PALS2: variants seen among roughly 807,000 people sequenced by gnomAD.
PALS2 encodes the protein protein PALS2.
In PALS2, 27 loss-of-function variants were observed where a neutral mutation model predicts 61.6. That is an observed-to-expected ratio of 0.44 (90% CI 0.32 to 0.60). The LOEUF is 0.60. Ranked by LOEUF, PALS2 falls within the 20% of genes least tolerant of loss-of-function variation. The pLI is 0.05. For missense variants in PALS2, 554 were observed against 639.4 expected, an observed-to-expected ratio of 0.87 and a Z score of 1.44; for synonymous variants, 236 against 218.6, an observed-to-expected ratio of 1.08 and a Z score of -0.70.
chr7:24,652,108 A>G (rs1180184471), intron 5 of PALS2, among the ~76,000 whole-genome samples: 1 of 152,164 alleles, frequency 6.6e-6, no homozygotes, highest in Non-Finnish European at 1.5e-5. Context: ...GCAACTTTCA[A>G]TTTGTGACAG....
rs562222855 is a variant in PALS2 at position 24,587,560 on chromosome 7, G to A, written c.-3+13967G>A. The stretch of plus-strand genomic sequence containing the variant: ...TTTTTTTTTTTTTTTAATGTTTTTA[G>A]AGTCCAGGTCTCACTGTGTTGCCCA... On this transcript the variant is annotated intron_variant, in intron 1 of 11. Coordinates refer to ENST00000222644, the MANE Select transcript of PALS2 (RefSeq NM_001303037.2). Among the ~76,000 whole-genome samples, 764 of 146,704 alleles carry A rather than the reference G, an allele frequency of 5.2e-3. 2 individuals are homozygous for A. Among genetic ancestry groups the A allele is most frequent in the African/African-American group, 0.018 (722 of 39,662 alleles).
intron 1 of PALS2, among the ~76,000 whole-genome samples, chr7:24,611,369 A>C (rs903936912): frequency 1.3e-5 from 2 of 152,064 alleles, no homozygotes; most frequent in African/African-American, 4.8e-5. Context: ...CTCTATAAAC[A>C]ATATCACCTT....
At chr7:24,655,384 G>A (rs1404601878) in intron 5 of PALS2, among the ~76,000 whole-genome samples, 1 of 152,066 alleles carries the variant, frequency 6.6e-6, no homozygotes, top group Admixed American at 6.6e-5. Context: ...GTAAAGCAAG[G>A]AGTTTGTGAA....
chr7:24,641,879 C>G lies in PALS2; in HGVS notation c.270+11C>G. 1 of 1,610,202 alleles carries G rather than the reference C, an allele frequency of 6.2e-7. No homozygotes were observed. Among genetic ancestry groups the G allele is most frequent in the Non-Finnish European group, 8.5e-7 (1 of 1,178,212 alleles). ...GAACCTCACTTCCAGGTAACTTTCC[C>G]TATCACTCAACTCTCAAGTTCCCTG... On this transcript the variant is annotated intron_variant, in intron 3 of 11. Coordinates refer to ENST00000222644, the MANE Select transcript of PALS2 (RefSeq NM_001303037.2).
Position 24,693,911 on chromosome 7 carries a change from C to G in PALS2, c.*6297C>G, listed in dbSNP as rs1788589382. The G allele has an allele frequency of 1.3e-5, 2 of 151,906 alleles. No individual in the cohort carries two copies. The highest frequency in any genetic ancestry group is 1.3e-4 in the Admixed American group (2 of 15,256). The allele number at this position is 151,906 out of a possible 1,614,324, so 9.4% of individuals were successfully genotyped here. A position where few individuals can be genotyped will look rare whatever the true frequency, so the allele number is the denominator to read the frequency against. On this transcript the variant is annotated 3_prime_UTR_variant, in exon 12 of 12. Coordinates refer to ENST00000222644, the MANE Select transcript of PALS2 (RefSeq NM_001303037.2). Reference sequence around the variant, plus strand: ...TTTATTCTTCCTTTTCCCCCCACGCCAGTTCGTTTTGGTAAGTCTTTTATT... The same window carrying G: ...TTTATTCTTCCTTTTCCCCCCACGCGAGTTCGTTTTGGTAAGTCTTTTATT...
At chr7:24,657,801 G>C (rs1004450301) in intron 5 of PALS2, among the ~76,000 whole-genome samples, 3 of 151,934 alleles carry the variant, frequency 2.0e-5, no homozygotes, top group Non-Finnish European at 4.4e-5. Flanking sequence ...TCTCCAATTT[G>C]TTTTCTACAA....
chr7:24,662,566 C>G (rs930675338), intron 5 of PALS2, among the ~76,000 whole-genome samples: 1 of 151,866 alleles, frequency 6.6e-6, no homozygotes, highest in Non-Finnish European at 1.5e-5. Flanking sequence ...ATCAGGAGTT[C>G]GAGACCAGCC....
At chr7:24,639,189 A>C (rs892540140) in intron 2 of PALS2, among the ~76,000 whole-genome samples, 3 of 152,230 alleles carry the variant, frequency 2.0e-5, no homozygotes, top group African/African-American at 7.2e-5. Context: ...TGCATCATTT[A>C]TTGGATTGAA....
intron 1 of PALS2, among the ~76,000 whole-genome samples, chr7:24,584,434 G>C (rs1163605961): frequency 5.3e-5 from 8 of 150,158 alleles, no homozygotes; most frequent in Non-Finnish European, 1.2e-4. Flanking sequence ...ATTTTTTCAT[G>C]TGTTTTTTGG....
intron 1 of PALS2, among the ~76,000 whole-genome samples, chr7:24,613,933 CT>C (rs1049491474): frequency 6.6e-6 from 1 of 151,910 alleles, no homozygotes; most frequent in African/African-American, 2.4e-5. Flanking sequence ...CTTTTTATGG[CT>C]GAATAGTATT....
chr7:24,634,391 C>T (rs1387826640), intron 2 of PALS2, among the ~76,000 whole-genome samples: 9 of 152,024 alleles, frequency 5.9e-5, no homozygotes, highest in Admixed American at 3.9e-4. Context: ...CCATCACACC[C>T]GGCTAATTTT....
intron 1 of PALS2, among the ~76,000 whole-genome samples, chr7:24,575,717 A>G (rs1196490733): frequency 6.6e-6 from 1 of 152,226 alleles, no homozygotes; most frequent in Non-Finnish European, 1.5e-5. Context: ...GTAGCATCAT[A>G]TTATTGCTGA....
Position 24,573,588 on chromosome 7 carries a change from G to C in PALS2, c.-8G>C. 2.7e-6 allele frequency: 1 copy of C among 375,688 alleles called. No homozygotes were observed. The highest frequency in any genetic ancestry group is 4.7e-6 in the Non-Finnish European group (1 of 212,058). 23.3% of individuals were successfully genotyped at this position (375,688 alleles called of 1,614,324 possible). Reference sequence around the variant, plus strand: ...GGCGGCGCGGAGGCGGCTGAGGTGCGAGCCGGTGAGTTAACTGGACCCCCA... The same window carrying C: ...GGCGGCGCGGAGGCGGCTGAGGTGCCAGCCGGTGAGTTAACTGGACCCCCA... On this transcript the variant is annotated 5_prime_UTR_variant, in exon 1 of 12. Coordinates refer to ENST00000222644, the MANE Select transcript of PALS2 (RefSeq NM_001303037.2). This position sits in a 1 kb window ranked among gnomAD's most constrained non-coding sequence, Gnocchi z 5.3.
chr7:24,620,618 G>A (rs1267628695), intron 1 of PALS2, among the ~76,000 whole-genome samples: 1 of 151,822 alleles, frequency 6.6e-6, no homozygotes, highest in Non-Finnish European at 1.5e-5. Flanking sequence ...AATCAATACA[G>A]AAGGTACATT....
rs113385348 is a variant in PALS2 at position 24,644,101 on chromosome 7, T to TC, written c.270+2233_270+2234insC. Among the ~76,000 whole-genome samples the TC allele has an allele frequency of 6.7e-4, 101 of 151,760 alleles. 1 individual carries two copies. The South Asian group carries it at 0.017, about 26-fold the overall frequency. ...AATCAATATTTTCTTTTTTCTTTTT[T>TC]TTTTTTTTTTACTTTTGTTTTAGGA... On this transcript the variant is annotated intron_variant, in intron 3 of 11. Coordinates refer to ENST00000222644, the MANE Select transcript of PALS2 (RefSeq NM_001303037.2).
rs1292762707 is a variant in PALS2 at position 24,691,048 on chromosome 7, T to C, written c.*3434T>C. ...AATGACAATAAAAAATGATCCTTGGTTTAAAAATTATTAAATGGTACTTAT... is the reference window on the plus strand; with the variant it reads ...AATGACAATAAAAAATGATCCTTGGCTTAAAAATTATTAAATGGTACTTAT... On this transcript the variant is annotated 3_prime_UTR_variant, in exon 12 of 12. Coordinates refer to ENST00000222644, the MANE Select transcript of PALS2 (RefSeq NM_001303037.2). 2 of 152,148 alleles carry C rather than the reference T, an allele frequency of 1.3e-5. No homozygotes were observed. The highest frequency in any genetic ancestry group is 2.9e-5 in the Non-Finnish European group (2 of 68,004). The allele number at this position is 152,148 out of a possible 1,614,324, so 9.4% of individuals were successfully genotyped here.
chr7:24,652,589 CTT>C (rs139053481), intron 5 of PALS2, among the ~76,000 whole-genome samples: 8 of 144,784 alleles, frequency 5.5e-5, no homozygotes, highest in South Asian at 2.2e-4. Context: ...CAAATTGAGA[CTT>C]TTTTTTTTTT....
At chr7:24,685,976 G>A (rs190564449) in intron 11 of PALS2, among the ~76,000 whole-genome samples, 1 of 152,212 alleles carries the variant, frequency 6.6e-6, no homozygotes, top group Admixed American at 6.5e-5. Context: ...GTCGCCTGCT[G>A]TACATCTCCA....
chr7:24,634,708 T>A (rs527459906), intron 2 of PALS2, among the ~76,000 whole-genome samples: 14 of 152,352 alleles, frequency 9.2e-5, no homozygotes, highest in Middle Eastern at 3.4e-3. Flanking sequence ...GGATCCATTT[T>A]AAGTTAGTTT....
Sources: allele counts gnomAD v4.1 joint callset (sites outside exome capture counted in the v4.1 genomes callset), GRCh38; gene constraint gnomAD v4.1.1; non-coding constraint Gnocchi (gnomAD v3.1); transcripts MANE v1.5; gene names NCBI Gene and HGNC (gene_info 2026-07-23, HGNC 2026-07-21).